Variants in GNAO1 observed in about 807,000 individuals in gnomAD.
The protein encoded by GNAO1 is guanine nucleotide-binding protein G(o) subunit alpha.
For missense variants in GNAO1, 166 were observed against 478.7 expected (o/e 0.35, Z 6.10); for synonymous variants, 164 against 180.7 (o/e 0.91, Z 0.74).
intron 4 of GNAO1, among the ~76,000 whole-genome samples, chr16:56,332,001 G>T (rs147973480): frequency 6.6e-6 from 1 of 152,220 alleles, no homozygotes; most frequent in Non-Finnish European, 1.5e-5. Context: ...CCCACACCGA[G>T]GCCACCAGCA....
intron 6 of GNAO1, chr16:56,345,429 C>G (rs1179569701): frequency 1.0e-6 from 1 of 985,752 alleles, no homozygotes; most frequent in Admixed American, 6.1e-5. Flanking sequence ...CTTGCAGCCC[C>G]CGGACTGCCC....
chr16:56,300,036 T>TGTGTGTGTGTGTGTGTGTGTGCGCGC (rs753591618), intron 3 of GNAO1, among the ~76,000 whole-genome samples: 1 of 95,112 alleles, frequency 1.1e-5, no homozygotes, highest in Admixed American at 1.1e-4. Flanking sequence ...TGTGTGTGTG[T>TGTGTGTGTGTGTGTGTGTGTGCGCGC]GCGCGCGCGC....
At chr16:56,341,475 GA>G (rs2143677904) in intron 6 of GNAO1, among the ~76,000 whole-genome samples, 1 of 152,350 alleles carries the variant, frequency 6.6e-6, no homozygotes, top group East Asian at 1.9e-4. Context: ...GTGCTATGAA[GA>G]GGGAATGAGC....
intron 2 of GNAO1, among the ~76,000 whole-genome samples, chr16:56,213,664 G>T (rs1596800061): frequency 6.6e-6 from 1 of 152,218 alleles, no homozygotes; most frequent in East Asian, 1.9e-4. Flanking sequence ...GTCAGGGAGG[G>T]CCATACTAGA....
chr16:56,272,728 A>G (rs4784650), intron 2 of GNAO1, among the ~76,000 whole-genome samples: 46,785 of 152,152 alleles, frequency 0.31, 7,400 homozygotes, highest in Middle Eastern at 0.37. Context: ...TCAAATGGGT[A>G]TAATAAAATC....
intron 2 of GNAO1, among the ~76,000 whole-genome samples, chr16:56,251,933 G>T (rs2036803379): frequency 6.6e-6 from 1 of 152,070 alleles, no homozygotes; most frequent in Non-Finnish European, 1.5e-5. Flanking sequence ...CTTTTCTGGG[G>T]CCCAGACAGA....
At chr16:56,306,577 A>C (rs1430745814) in intron 3 of GNAO1, among the ~76,000 whole-genome samples, 1 of 152,228 alleles carries the variant, frequency 6.6e-6, no homozygotes, top group African/African-American at 2.4e-5. Context: ...CTGCAGACAC[A>C]CAGACCAGCC....
chr16:56,200,408 C>G (rs1379835012), intron 2 of GNAO1, among the ~76,000 whole-genome samples: 1 of 152,126 alleles, frequency 6.6e-6, no homozygotes, highest in Non-Finnish European at 1.5e-5. Context: ...ATGTTGAAAG[C>G]TTTTGGTGGC....
intron 2 of GNAO1, among the ~76,000 whole-genome samples, chr16:56,205,872 G>A (rs2036322963): frequency 6.6e-6 from 1 of 152,136 alleles, no homozygotes; most frequent in African/African-American, 2.4e-5. Context: ...ATAATGGAGA[G>A]GGATTGGAGG....
chr16:56,225,343 G>T (rs1302415113), intron 2 of GNAO1, among the ~76,000 whole-genome samples: 18 of 152,358 alleles, frequency 1.2e-4, no homozygotes, highest in Admixed American at 6.5e-4. Flanking sequence ...GAGCTAATAC[G>T]TGTTCCTACT....
chr16:56,334,996 A>C (rs1196029047), intron 5 of GNAO1, 139 bp downstream of exon 5: 2 of 802,398 alleles, frequency 2.5e-6, no homozygotes, highest in African/African-American at 3.5e-5. Context: ...GCTAGATACT[A>C]GAAGGAACCT....
intron 3 of GNAO1, among the ~76,000 whole-genome samples, chr16:56,327,242 C>A (rs2037642797): frequency 6.6e-6 from 1 of 152,126 alleles, no homozygotes; most frequent in Non-Finnish European, 1.5e-5. Context: ...CGGGCGTATT[C>A]ATGGCGATGG....
At chr16:56,193,054 C>G (rs145575911) in intron 2 of GNAO1, 1 of 164,640 alleles carries the variant, frequency 6.1e-6, no homozygotes, top group African/African-American at 2.4e-5. Flanking sequence ...AATCCCACTT[C>G]CCCCTGCTCT....
At chr16:56,269,160 C>G (rs916238030) in intron 2 of GNAO1, among the ~76,000 whole-genome samples, 6 of 152,246 alleles carry the variant, frequency 3.9e-5, no homozygotes, top group African/African-American at 1.4e-4. Context: ...AATCCACCTT[C>G]TCATCCCACA....
At chr16:56,344,414 TC>T in intron 6 of GNAO1, 6 of 1,007,720 alleles carry the variant, frequency 6.0e-6, no homozygotes, top group Non-Finnish European at 7.1e-6. Flanking sequence ...GGAGGGCAGT[TC>T]CGTCAACAAA....
intron 6 of GNAO1, chr16:56,340,741 C>T (rs1474527534): frequency 8.7e-7 from 1 of 1,143,764 alleles, no homozygotes; most frequent in Non-Finnish European, 1.3e-6. Context: ...CATTGGTGGA[C>T]CTTCCCTTTG....
At chr16:56,340,500 G>C (rs1260760155) in intron 6 of GNAO1, 8 of 286,662 alleles carry the variant, frequency 2.8e-5, no homozygotes, top group Non-Finnish European at 4.6e-5. Context: ...CCCCTGCGCT[G>C]TACGTGCATG....
intron 2 of GNAO1, among the ~76,000 whole-genome samples, chr16:56,225,083 C>T (rs574566568): frequency 6.6e-6 from 1 of 152,326 alleles, no homozygotes; most frequent in South Asian, 2.1e-4. Context: ...GGGTGCTAAC[C>T]AGTAACTTTG....
At chr16:56,290,198 C>T (rs1432786832) in intron 3 of GNAO1, among the ~76,000 whole-genome samples, 1 of 152,178 alleles carries the variant, frequency 6.6e-6, no homozygotes, top group African/African-American at 2.4e-5. Flanking sequence ...CCCTTGGAAG[C>T]CTTTCCTGAC....
Sources: gnomAD v4.1 joint callset for allele counts (sites outside exome capture counted in the v4.1 genomes callset) on GRCh38, gnomAD v4.1.1 for gene constraint, MANE v1.5 for transcripts, NCBI Gene and HGNC (gene_info 2026-07-23, HGNC 2026-07-21) for gene names.